Variants in EXOC2 observed in about 807,000 individuals in gnomAD.
EXOC2 encodes the protein exocyst complex component 2, also known as SEC5-like 1.
Under a neutral mutation model 131.8 loss-of-function variants are expected in EXOC2, and 70 were observed. The observed-to-expected ratio is 0.53, with a 90% CI of 0.44 to 0.65. EXOC2 has a LOEUF of 0.65. Ranked by LOEUF, EXOC2 falls within the 30% of genes least tolerant of loss-of-function variation. EXOC2 has a pLI of 0.00. For synonymous variants in EXOC2, 411 were observed against 398.4 expected, an observed-to-expected ratio of 1.03 and a Z score of -0.38; for missense variants, 923 against 1,108.6, an observed-to-expected ratio of 0.83 and a Z score of 2.38.
chr6:630,038 CT>C lies in EXOC2; in HGVS notation c.296-78del, dbSNP rs1761767351. On this transcript the variant is annotated intron_variant, in intron 3 of 27. Coordinates refer to ENST00000230449, the MANE Select transcript of EXOC2 (RefSeq NM_018303.6). ...CTTCTACGTCTGGCCTATTGTCTGA[CT>C]TCTTAAAGACCTAATACAAAATGCC... 1.3e-6 allele frequency: 2 copies of C among 1,530,444 alleles called. 1 individual carries two copies. Among genetic ancestry groups the C allele is most frequent in the East Asian group, 4.7e-5 (2 of 42,274 alleles). 94.8% of individuals were successfully genotyped at this position (1,530,444 alleles called of 1,614,324 possible).
intron 1 of EXOC2, among the ~76,000 whole-genome samples, chr6:643,840 A>AT (rs1762465183): frequency 6.6e-6 from 1 of 152,142 alleles, no homozygotes; most frequent in Admixed American, 6.5e-5. Context: ...AATTTCAGTA[A>AT]TGAAAGAGGG....
chr6:550,327 T>C (rs1187038988), intron 21 of EXOC2, among the ~76,000 whole-genome samples: 2 of 152,254 alleles, frequency 1.3e-5, no homozygotes, highest in Non-Finnish European at 2.9e-5. Context: ...GATAACATCC[T>C]TGAATTTAGT....
chr6:608,625 C>T (rs551298712), intron 7 of EXOC2, among the ~76,000 whole-genome samples: 2 of 152,190 alleles, frequency 1.3e-5, no homozygotes, highest in South Asian at 2.1e-4. Flanking sequence ...TCCCAAGGGA[C>T]GATTTCTCAA....
At chr6:511,492 G>A (rs1280677310) in intron 23 of EXOC2, among the ~76,000 whole-genome samples, 12 of 152,190 alleles carry the variant, frequency 7.9e-5, no homozygotes, top group Admixed American at 7.9e-4. Flanking sequence ...CATTTAAGGA[G>A]ACTAATTTTT....
chr6:579,283 T>C (rs922156304), intron 11 of EXOC2, among the ~76,000 whole-genome samples: 2 of 152,216 alleles, frequency 1.3e-5, no homozygotes, highest in African/African-American at 2.4e-5. Flanking sequence ...CTGAGTTTTG[T>C]AATGGTTAAA....
rs565681554 is a variant in EXOC2 at position 590,432 on chromosome 6, C to A, written c.1192+2037G>T. 6.6e-5 allele frequency among the ~76,000 whole-genome samples: 10 copies of A among 152,280 alleles called. No individual in the cohort carries two copies. In the South Asian group the frequency reaches 1.9e-3, roughly 29 times the overall value. ...GTACTCAAATCCAAGCCAACTAATTCATGACAAAACTATGCTAGAAAGAAA... is the reference window on the plus strand; with the variant it reads ...GTACTCAAATCCAAGCCAACTAATTAATGACAAAACTATGCTAGAAAGAAA... On this transcript the variant is annotated intron_variant, in intron 11 of 27. Transcript: ENST00000230449.
chr6:642,645 GAATA>G (rs573576251), intron 1 of EXOC2, among the ~76,000 whole-genome samples: 423 of 152,230 alleles, frequency 2.8e-3, no homozygotes, highest in African/African-American at 9.0e-3. Context: ...TAATCATAAT[GAATA>G]AACAGATGGT....
In EXOC2 at chr6:524,506, C is replaced by T. The variant is rs72835929; in HGVS notation, c.2380+7963G>A. ...TAATTGTTACAATTTTTTGTTCCAA[C>T]GTTCATGAGGGACGCTAGTCTGTAA... On this transcript the variant is annotated intron_variant, in intron 23 of 27. Transcript: ENST00000230449. 5.6e-3 allele frequency among the ~76,000 whole-genome samples: 851 copies of T among 152,184 alleles called. 4 individuals carry two copies. The highest frequency in any genetic ancestry group is 8.3e-3 in the Non-Finnish European group (564 of 68,000).
At chr6:673,923 A>T (rs1024173649) in intron 1 of EXOC2, among the ~76,000 whole-genome samples, 3 of 152,270 alleles carry the variant, frequency 2.0e-5, no homozygotes, top group South Asian at 2.1e-4. Context: ...TGCTTTTTTT[A>T]AAAAAAGTAT....
chr6:532,611 C>A lies in EXOC2; in HGVS notation c.2239-1G>T. 6.5e-7 allele frequency: 1 copy of A among 1,547,016 alleles called. No individual in the cohort carries two copies. The highest frequency in any genetic ancestry group is 8.7e-7 in the Non-Finnish European group (1 of 1,152,582). Reference sequence around the variant, plus strand: ...GTTCTTTCAATGAGGCCATGCTAACCTATAAACACATAATGAAGAGTATGA... The same window carrying A: ...GTTCTTTCAATGAGGCCATGCTAACATATAAACACATAATGAAGAGTATGA... On this transcript the variant is annotated splice_acceptor_variant, in intron 22 of 27. Transcript: ENST00000230449. LOFTEE classifies it high-confidence loss of function.
chr6:491,293 GGC>G (rs1364312482), intron 25 of EXOC2, 107 bp from the exon 26 acceptor site: 3 of 1,100,988 alleles, frequency 2.7e-6, no homozygotes, highest in Non-Finnish European at 4.1e-6. Flanking sequence ...GGATGGGGTT[GGC>G]GTAATACCAC....
intron 3 of EXOC2, among the ~76,000 whole-genome samples, chr6:630,502 T>C (rs990920007): frequency 2.0e-5 from 3 of 152,234 alleles, no homozygotes; most frequent in African/African-American, 7.2e-5. Context: ...CGAAAAACCA[T>C]TATGCATATA....
At chr6:595,513 T>C (rs1759761428) in intron 10 of EXOC2, among the ~76,000 whole-genome samples, 1 of 152,074 alleles carries the variant, frequency 6.6e-6, no homozygotes, top group African/African-American at 2.4e-5. Context: ...GCCTTTAAGA[T>C]GACAGGAAAA....
At chr6:564,972 T>G in intron 13 of EXOC2, 43 bp from the exon 14 acceptor site, 6 of 1,491,552 alleles carry the variant, frequency 4.0e-6, no homozygotes, top group Non-Finnish European at 5.4e-6. Context: ...TAGAAATAAT[T>G]TAAAAATAAG....
rs1030214067 is a variant in EXOC2, at chr6:657,096, G to A, written c.-43-19235C>T. ...CTCGGGTTCCCGGTTGCGGTTGCGG[G>A]TTCTGTTGTGGGTTCCGCAGCCCTA... On this transcript the variant is annotated intron_variant, in intron 1 of 27. Transcript: ENST00000230449. The A allele has an allele frequency of 6.7e-6, 4 of 599,424 alleles. No individual in the cohort carries two copies. In the African/African-American group the frequency reaches 7.8e-5, roughly 12 times the overall value. 37.1% of individuals were successfully genotyped at this position (599,424 alleles called of 1,614,324 possible).
At chr6:501,140 ATATATATTATATATATC>A (rs1554117228) in intron 23 of EXOC2, among the ~76,000 whole-genome samples, 9 of 14,758 alleles carry the variant, frequency 6.1e-4, no homozygotes, top group Non-Finnish European at 1.2e-3. Flanking sequence ...ATATATATCT[ATATATATTATATATATC>A]TATATATATT....
intron 1 of EXOC2, among the ~76,000 whole-genome samples, chr6:660,643 C>A (rs1023121264): frequency 6.6e-6 from 1 of 152,162 alleles, no homozygotes; most frequent in Admixed American, 6.5e-5. Flanking sequence ...ACAAAAGAAT[C>A]TGAACAACAG....
At chr6:690,477 G>A (rs968262885) in intron 1 of EXOC2, among the ~76,000 whole-genome samples, 16 of 152,176 alleles carry the variant, frequency 1.1e-4, no homozygotes, top group African/African-American at 3.6e-4. Flanking sequence ...CTGGGAGGCC[G>A]AGGTGGGTGG....
intron 1 of EXOC2, chr6:656,910 C>A: frequency 6.5e-7 from 1 of 1,549,260 alleles, no homozygotes; most frequent in Non-Finnish European, 8.7e-7. Flanking sequence ...CAGCTCTAGA[C>A]AGCCTTTGCC....
Sources: allele counts gnomAD v4.1 joint callset (sites outside exome capture counted in the v4.1 genomes callset), GRCh38; gene constraint gnomAD v4.1.1; transcripts MANE v1.5; gene names NCBI Gene and HGNC (gene_info 2026-07-23, HGNC 2026-07-21).